NOC3L: variants seen among roughly 807,000 people sequenced by gnomAD.
NOC3L encodes nucleolar complex protein 3 homolog.
In NOC3L, 85 loss-of-function variants were observed where a neutral mutation model predicts 102.5. The ratio of observed to expected loss-of-function variants is 0.83; its 90% confidence interval spans 0.70 to 0.99. The LOEUF (loss-of-function observed/expected upper bound fraction) is 0.99. Ranked by LOEUF, NOC3L falls within the 50% of genes least tolerant of loss-of-function variation. NOC3L has a pLI of 0.00. For missense variants in NOC3L, 878 were observed against 914.9 expected, an observed-to-expected ratio of 0.96 and a Z score of 0.52; for synonymous variants, 303 against 309.4, an observed-to-expected ratio of 0.98 and a Z score of 0.22.
At chr10:94,324,402 C>T in the NOC3L span, 608 of 1,614,142 alleles carry the variant, frequency 3.8e-4, 3 homozygotes, top group Non-Finnish European at 5.5e-5. Flanking sequence ...CCAATCCAAG[C>T]GACTATGTGC....
At chr10:94,325,254 G>A in the NOC3L span, 1 of 648,532 alleles carries the variant, frequency 1.5e-6, no homozygotes, top group Non-Finnish European at 2.8e-6. Flanking sequence ...CAGGAAAAGG[G>A]CTCTGAAGAT....
chr10:94,358,056 A>G lies in NOC3L; in HGVS notation c.350+27T>C, dbSNP rs758123230. On this transcript the variant is annotated intron_variant, in intron 3 of 20. Coordinates refer to ENST00000371361, the MANE Select transcript of NOC3L (RefSeq NM_022451.11). Reference sequence around the variant, plus strand: ...AGTTTTTAACACTAAATGGATATGAATGATTATAACCCAAATGAAGTATTA... The same window carrying G: ...AGTTTTTAACACTAAATGGATATGAGTGATTATAACCCAAATGAAGTATTA... 2.7e-6 allele frequency: 4 copies of G among 1,463,380 alleles called. No individual in the cohort carries two copies. The Admixed American group carries it at 5.1e-5, about 19-fold the overall frequency. The allele number at this position is 1,463,380 out of a possible 1,614,324, so 90.6% of individuals were successfully genotyped here. A position where few individuals can be genotyped will look rare whatever the true frequency, so the allele number is the denominator to read the frequency against.
At chr10:94,354,658 T>C (rs1344586066) in intron 6 of NOC3L, among the ~76,000 whole-genome samples, 1 of 152,210 alleles carries the variant, frequency 6.6e-6, no homozygotes, top group Non-Finnish European at 1.5e-5. Context: ...AGGTTCCTCC[T>C]CCCTAATACA....
In NOC3L at chr10:94,347,903, T is replaced by C. The variant is rs376350019; in HGVS notation, c.1257+1347A>G. ...TATTTTGAGGGAAGGAAGTGAAAAA[T>C]GGATTCTAAACTGCCTGGAGTAATA... is the stretch of plus-strand genomic sequence containing the variant. On this transcript the variant is annotated intron_variant, in intron 10 of 20. Transcript: ENST00000371361. 2.5e-3 allele frequency among the ~76,000 whole-genome samples: 385 copies of C among 152,068 alleles called. 2 individuals are homozygous for C. The highest frequency in any genetic ancestry group is 0.01 in the Middle Eastern group (3 of 294).
chr10:94,358,208 C>T lies in NOC3L; in HGVS notation c.225G>A (p.Arg75=). The T allele has an allele frequency of 6.8e-7, 1 of 1,459,934 alleles. No individual in the cohort carries two copies. The highest frequency in any genetic ancestry group is 9.6e-7 in the Non-Finnish European group (1 of 1,044,604). The allele number at this position is 1,459,934 out of a possible 1,614,324, so 90.4% of individuals were successfully genotyped here. ...ENPKEKRPGK[R]IEREEEEEEE... The stretch of plus-strand genomic sequence containing the variant: ...CTTCTTCCTCTTCTTCCCTCTCAAT[C>T]CTTTTACCTGTACCACACACACACA... Residue 75 remains arginine (R), a synonymous_variant, in exon 3 of 21, where the codon AGG becomes AGA. Coordinates refer to ENST00000371361, the MANE Select transcript of NOC3L (RefSeq NM_022451.11).
chr10:94,338,892 TTATA>T (rs1339422134), intron 17 of NOC3L, among the ~76,000 whole-genome samples, 156 bp from the exon 18 acceptor site: 3 of 152,194 alleles, frequency 2.0e-5, no homozygotes, highest in Non-Finnish European at 4.4e-5. Context: ...CAATTTAAGT[TTATA>T]TAGTAAGAAC....
intron 6 of NOC3L, among the ~76,000 whole-genome samples, chr10:94,354,271 C>T (rs572383636): frequency 9.2e-5 from 14 of 152,252 alleles, no homozygotes; most frequent in Admixed American, 2.0e-4. Flanking sequence ...ATGCTGGGGA[C>T]ACCAGCATAA....
intron 10 of NOC3L, among the ~76,000 whole-genome samples, chr10:94,347,041 CAG>C (rs776719938): frequency 3.3e-5 from 5 of 152,132 alleles, no homozygotes; most frequent in Non-Finnish European, 5.9e-5. Context: ...TTCAAAAATT[CAG>C]AAACTAATTT....
the NOC3L span, chr10:94,328,041 CTG>C: frequency 3.9e-6 from 2 of 515,026 alleles, no homozygotes; most frequent in African/African-American, 3.9e-5. Context: ...CAGACTTAAA[CTG>C]GAAATTGATG....
chr10:94,325,744 G>A, the NOC3L span: 1 of 152,096 alleles, frequency 6.6e-6, no homozygotes, highest in Admixed American at 6.5e-5. Context: ...TATTTCATCA[G>A]ACAACTGTCT....
In NOC3L at chr10:94,357,183, C is replaced by T; in HGVS notation, c.499G>A (p.Glu167Lys). ...AGTTTATTAGACTCACCTGGCTTCT[C>T]CCTAGTCTGTGGGATTATACCACTT... Reference protein sequence around the residue: ...DKSGIIPQTREKPVTDSNKDE... With the variant: ...DKSGIIPQTRKKPVTDSNKDE... The change falls in exon 4 of 21, where the codon GAG (glutamate) becomes AAG (lysine). Residue 167 changes from glutamate to lysine, a missense_variant. By Grantham distance (56) the Glu-to-Lys change is moderately conservative. Transcript: ENST00000371361. The T allele has an allele frequency of 1.3e-6, 2 of 1,580,278 alleles. No individual in the cohort carries two copies. The highest frequency in any genetic ancestry group is 1.7e-6 in the Non-Finnish European group (2 of 1,163,752).
chr10:94,357,946 A>C (rs2054507028), intron 3 of NOC3L, 137 bp downstream of exon 3: 4 of 640,630 alleles, frequency 6.2e-6, no homozygotes, highest in Non-Finnish European at 1.1e-5. Flanking sequence ...TTTATTTAGG[A>C]AATAAGCTAA....
the NOC3L span, chr10:94,324,830 G>A: frequency 3.3e-6 from 5 of 1,505,584 alleles, no homozygotes; most frequent in Non-Finnish European, 4.6e-6. Context: ...CTGAAATAGT[G>A]TCATGTGACA....
the NOC3L span, chr10:94,325,063 A>G: frequency 1.2e-6 from 2 of 1,614,072 alleles, no homozygotes; most frequent in South Asian, 1.1e-5. Flanking sequence ...CAGTGACACA[A>G]TGGATTACCG....
At chr10:94,321,752 C>A in the NOC3L span, 1 of 641,380 alleles carries the variant, frequency 1.6e-6, no homozygotes, top group Non-Finnish European at 2.7e-6. Flanking sequence ...CCTTTTAGAA[C>A]AGTTTATGAA....
chr10:94,325,014 C>A, the NOC3L span: 6 of 1,614,002 alleles, frequency 3.7e-6, no homozygotes, highest in South Asian at 1.1e-5. Context: ...CAGAAAGTAT[C>A]CAAACCAAGG....
At chr10:94,319,179 G>A in the NOC3L span, among the ~76,000 whole-genome samples, 1 of 152,198 alleles carries the variant, frequency 6.6e-6, no homozygotes. Flanking sequence ...AGATTTTTCT[G>A]ATAAGTAAAA....
downstream of NOC3L, chr10:94,329,796 A>AAAAAC (rs2054136413): frequency 6.7e-6 from 1 of 150,312 alleles, no homozygotes; most frequent in Non-Finnish European, 1.5e-5. Context: ...AAAAAAAAAA[A>AAAAAC]AAAAAAAAAA....
chr10:94,344,614 C>A, intron 12 of NOC3L, 99 bp from the exon 13 acceptor site: 1 of 771,912 alleles, frequency 1.3e-6, no homozygotes, highest in Admixed American at 2.6e-5. Flanking sequence ...TTTTTCCCTA[C>A]CCATCCCTCC....
Sources: allele counts gnomAD v4.1 joint callset (sites outside exome capture counted in the v4.1 genomes callset), GRCh38; gene constraint gnomAD v4.1.1; transcripts MANE v1.5; gene names NCBI Gene and HGNC (gene_info 2026-07-23, HGNC 2026-07-21).